TOM1: variants seen among roughly 807,000 people sequenced by gnomAD.
The protein encoded by TOM1 is target of Myb protein 1.
TOM1 carries 38 observed loss-of-function variants against 61.3 expected under a neutral mutation model. That is an observed-to-expected ratio of 0.62 (90% CI 0.48 to 0.81). The LOEUF is 0.81. Among genes scored for constraint, TOM1 ranks in the 40% least tolerant of loss-of-function variants. TOM1 has a pLI of 0.00. For synonymous variants in TOM1, 270 were observed against 268.8 expected (o/e 1.00, Z -0.04); for missense variants, 591 against 659.6 (o/e 0.90, Z 1.14).
intron 2 of TOM1, 153 bp downstream of exon 2, chr22:35,318,114 G>A (rs1927466942): frequency 2.9e-6 from 2 of 680,230 alleles, no homozygotes. Flanking sequence ...GGCCATCTGA[G>A]CCCCTAGTAC....
chr22:35,338,654 G>GTTC (rs1441392325), intron 11 of TOM1, 59 bp from the exon 12 acceptor site: 2 of 1,432,068 alleles, frequency 1.4e-6, no homozygotes, highest in East Asian at 5.3e-5. Flanking sequence ...AGCCCGCTCC[G>GTTC]TTCTTGCATC....
At chr22:35,319,882 C>A (rs944384408) in intron 2 of TOM1, among the ~76,000 whole-genome samples, 1 of 152,192 alleles carries the variant, frequency 6.6e-6, no homozygotes, top group Admixed American at 6.5e-5. Flanking sequence ...CAGGCCTGAC[C>A]GCCTCCATAG....
At chr22:35,330,516 G>A in intron 8 of TOM1, 36 bp downstream of exon 8, 1 of 1,567,728 alleles carries the variant, frequency 6.4e-7, no homozygotes, top group African/African-American at 1.4e-5. Flanking sequence ...CTGGCCTACT[G>A]CCCCAACCCT....
rs772450038 is a variant in TOM1, at chr22:35,321,918, G to A, written c.138-41G>A. 2.6e-6 allele frequency: 4 copies of A among 1,551,024 alleles called. No individual in the cohort carries two copies. In the East Asian group the frequency reaches 6.7e-5, roughly 26 times the overall value. On this transcript the variant is annotated intron_variant, in intron 2 of 14. Coordinates refer to ENST00000449058, the MANE Select transcript of TOM1 (RefSeq NM_005488.3). ...CAGGGTCTCTGGTGTTAGGTAAGGGGGCTCTATTCCTAAGCCCACCCTTTT... is the reference window on the plus strand; with the variant it reads ...CAGGGTCTCTGGTGTTAGGTAAGGGAGCTCTATTCCTAAGCCCACCCTTTT...
At chr22:35,322,963 G>T (rs775773543) in intron 3 of TOM1, 65 bp from the exon 4 acceptor site, 2 of 1,583,098 alleles carry the variant, frequency 1.3e-6, no homozygotes, top group African/African-American at 2.7e-5. Context: ...AGCCACGAGG[G>T]TGGGGGTTCT....
Position 35,338,915 on chromosome 22 carries a change from C to T in TOM1, c.1224+127C>T, listed in dbSNP as rs578039574. The T allele has an allele frequency of 2.0e-4, 175 of 869,536 alleles. No individual in the cohort carries two copies. The African/African-American group carries it at 2.7e-3, about 14-fold the overall frequency. 53.9% of individuals were successfully genotyped at this position (869,536 alleles called of 1,614,324 possible). ...GTCCACAGGCCCTTCCTCGTTTGGC[C>T]GTCAGGTCGGTTCTTTTTGGCTAGT... On this transcript the variant is annotated intron_variant, in intron 12 of 14. Coordinates refer to ENST00000449058, the MANE Select transcript of TOM1 (RefSeq NM_005488.3).
At position 35,317,882 on chromosome 22, in the gene TOM1, G is replaced by A; in HGVS notation, c.58G>A (p.Ala20Thr). ...GACTCCTGGTTTCTTCTCAGAGAAA[G>A]CCACAGATGGCTCCCTGCAGAGCGA... is the stretch of plus-strand genomic sequence containing the variant. ...SSPVGQRIEK[A>T]TDGSLQSEDW... is the part of the protein sequence containing the mutation. Residue 20 changes from alanine (A) to threonine (T), a missense_variant, in exon 2 of 15, where the codon GCC (alanine) becomes ACC (threonine). Coordinates refer to ENST00000449058, the MANE Select transcript of TOM1 (RefSeq NM_005488.3). 1 of 1,614,024 alleles carries A rather than the reference G, an allele frequency of 6.2e-7. No individual in the cohort carries two copies. The highest frequency in any genetic ancestry group is 2.2e-5 in the East Asian group (1 of 44,880).
At chr22:35,308,630 C>T (rs1381911120) in intron 1 of TOM1, among the ~76,000 whole-genome samples, 2 of 152,080 alleles carry the variant, frequency 1.3e-5, no homozygotes, top group Non-Finnish European at 2.9e-5. Context: ...CCCACTCCAC[C>T]CCTGACCATC....
At chr22:35,327,018 G>A (rs893592935) in intron 6 of TOM1, among the ~76,000 whole-genome samples, 9 of 152,198 alleles carry the variant, frequency 5.9e-5, no homozygotes, top group Non-Finnish European at 8.8e-5. Flanking sequence ...CCAGCCACAC[G>A]TGGTGGCTCA....
At chr22:35,307,757 G>A (rs867138237) in intron 1 of TOM1, among the ~76,000 whole-genome samples, 1 of 152,310 alleles carries the variant, frequency 6.6e-6, no homozygotes, top group East Asian at 1.9e-4. Context: ...GAACCAGCCA[G>A]ACCACAGGGG....
intron 1 of TOM1, among the ~76,000 whole-genome samples, chr22:35,300,219 G>T (rs764470458): frequency 2.0e-5 from 3 of 152,264 alleles, no homozygotes; most frequent in Non-Finnish European, 4.4e-5. Context: ...GAGAGAGGGT[G>T]GGTCCGGATG....
chr22:35,319,554 G>A (rs1927593399), intron 2 of TOM1, among the ~76,000 whole-genome samples: 3 of 152,222 alleles, frequency 2.0e-5, no homozygotes, highest in South Asian at 4.1e-4. Context: ...GAGAGAAGGC[G>A]TCCAACAAGG....
chr22:35,324,764 A>C (rs1928165491), intron 6 of TOM1, among the ~76,000 whole-genome samples: 1 of 152,198 alleles, frequency 6.6e-6, no homozygotes, highest in Admixed American at 6.5e-5. Flanking sequence ...TGGCCAGGCT[A>C]GTCTCGAACT....
intron 7 of TOM1, among the ~76,000 whole-genome samples, chr22:35,330,061 T>C (rs1164739373): frequency 1.3e-5 from 2 of 151,194 alleles, no homozygotes; most frequent in Non-Finnish European, 3.0e-5. Context: ...AGGCAGATCG[T>C]GAGGTCAGGA....
Position 35,327,376 on chromosome 22 carries a change from G to A in TOM1, c.754G>A (p.Glu252Lys). 1 of 1,612,324 alleles carries A rather than the reference G, an allele frequency of 6.2e-7. No homozygotes were observed. Among genetic ancestry groups the A allele is most frequent in the Non-Finnish European group, 8.5e-7 (1 of 1,179,468 alleles). Residue 252 changes from glutamate (E) to lysine (K), a missense_variant, in exon 7 of 15, where the codon GAG becomes AAG. Transcript: ENST00000449058. ...CACCCAGGCCGAGCCCGCAGACCTG[G>A]AGCTGCTGCAGGTGAGCAGGTGGCA... is the stretch of plus-strand genomic sequence containing the variant. ...VPTQAEPADL[E>K]LLQELNRTCR... is the part of the protein sequence containing the mutation.
chr22:35,334,738 G>T (rs1472022909), intron 11 of TOM1, among the ~76,000 whole-genome samples: 2 of 152,166 alleles, frequency 1.3e-5, no homozygotes, highest in Non-Finnish European at 2.9e-5. Context: ...ACAGAGAGGG[G>T]CAGGCTCATT....
In TOM1 at chr22:35,334,381, C is replaced by T. The variant is rs756689543; in HGVS notation, c.1081C>T (p.Arg361Ter). The T allele has an allele frequency of 2.3e-5, 37 of 1,614,090 alleles. No homozygotes were observed. The highest frequency in any genetic ancestry group is 1.3e-4 in the South Asian group (12 of 91,040). Residue 361 changes from arginine to a stop codon, truncating the protein, a stop_gained, in exon 11 of 15, where the codon CGA becomes TGA. Transcript: ENST00000449058. LOFTEE classifies it high-confidence loss of function. Reference sequence around the variant, plus strand: ...CCTGCAGTCTCTGGAGGCCTCTGGTCGACTGGAAGATGAGTTTGACATGTT... The same window carrying T: ...CCTGCAGTCTCTGGAGGCCTCTGGTTGACTGGAAGATGAGTTTGACATGTT... ...AGLQSLEASG[R>*]LEDEFDMFAL...
chr22:35,322,138 T>C, intron 3 of TOM1, 101 bp downstream of exon 3: 1 of 1,080,050 alleles, frequency 9.3e-7, no homozygotes. Context: ...GAGCTCCTCA[T>C]TTGAGAGCTG....
chr22:35,345,204 C>T (rs1930404351), intron 12 of TOM1: 1 of 169,106 alleles, frequency 5.9e-6, no homozygotes. Flanking sequence ...CTCTCAGGCC[C>T]TGCTATGCCC....
Sources: allele counts gnomAD v4.1 joint callset (sites outside exome capture counted in the v4.1 genomes callset), GRCh38; gene constraint gnomAD v4.1.1; transcripts MANE v1.5; gene names NCBI Gene and HGNC (gene_info 2026-07-23, HGNC 2026-07-21).